PTPRK: variants seen among roughly 807,000 people sequenced by gnomAD.
The protein encoded by PTPRK is protein tyrosine phosphatase receptor type K.
Under a neutral mutation model 178.0 loss-of-function variants are expected in PTPRK, and 75 were observed. The ratio of observed to expected loss-of-function variants is 0.42; its 90% confidence interval spans 0.35 to 0.51. The LOEUF (loss-of-function observed/expected upper bound fraction) is 0.51. PTPRK is among the 20% of genes least tolerant of loss of function. The pLI, the probability that PTPRK is intolerant of heterozygous loss-of-function variation, is 0.02. For synonymous variants in PTPRK, 637 were observed against 620.6 expected (o/e 1.03, Z -0.39); for missense variants, 1,441 against 1,797.8 (o/e 0.80, Z 3.59).
At chr6:128,235,303 TAACC>T (rs1000476463) in intron 5 of PTPRK, 1 of 152,722 alleles carries the variant, frequency 6.5e-6, no homozygotes, top group African/African-American at 2.4e-5. Flanking sequence ...AATTTAAAAA[TAACC>T]AACATTTCTA....
At chr6:128,480,843 C>T (rs1226361061) in intron 1 of PTPRK, among the ~76,000 whole-genome samples, 2 of 152,162 alleles carry the variant, frequency 1.3e-5, no homozygotes, top group African/African-American at 2.4e-5. Context: ...ACTCTTCATA[C>T]ATCACAGGGA....
At chr6:128,309,487 G>A (rs1382270002) in intron 3 of PTPRK, among the ~76,000 whole-genome samples, 1 of 151,982 alleles carries the variant, frequency 6.6e-6, no homozygotes, top group Non-Finnish European at 1.5e-5. Context: ...TGCAACCAAC[G>A]TTCGGACCCT....
At chr6:128,290,927 T>G (rs1823276850) in intron 3 of PTPRK, among the ~76,000 whole-genome samples, 1 of 152,196 alleles carries the variant, frequency 6.6e-6, no homozygotes, top group African/African-American at 2.4e-5. Context: ...GCTGTTAATC[T>G]TCAGAACAGT....
chr6:128,186,814 C>A (rs1802841084), intron 6 of PTPRK, among the ~76,000 whole-genome samples: 1 of 152,048 alleles, frequency 6.6e-6, no homozygotes, highest in Non-Finnish European at 1.5e-5. Flanking sequence ...TAAAATGAAA[C>A]TGAATCGAGA....
chr6:128,174,256 T>C (rs1243050327), intron 7 of PTPRK, among the ~76,000 whole-genome samples: 4 of 151,976 alleles, frequency 2.6e-5, no homozygotes, highest in South Asian at 2.1e-4. Context: ...TCCATTGATG[T>C]GAAGGAAAAA....
chr6:128,075,750 T>C lies in PTPRK; in HGVS notation c.1883+3063A>G, dbSNP rs139873746. 6.9e-3 allele frequency among the ~76,000 whole-genome samples: 1,043 copies of C among 152,196 alleles called. 10 individuals are homozygous for C. Among genetic ancestry groups the C allele is most frequent in the African/African-American group, 0.024 (987 of 41,546 alleles). On this transcript the variant is annotated intron_variant, in intron 11 of 29. Transcript: ENST00000368226. ...CTAATAAAACTAAACACGAAAACTCTATATAACAAGATTTTCTAGTTGGTA... is the reference window on the plus strand; with the variant it reads ...CTAATAAAACTAAACACGAAAACTCCATATAACAAGATTTTCTAGTTGGTA...
rs146762748 is a variant in PTPRK, at chr6:128,519,946, A to G, written c.100+313T>C. Among the ~76,000 whole-genome samples the G allele has an allele frequency of 1.6e-4, 25 of 152,298 alleles. No individual in the cohort carries two copies. The East Asian group carries it at 4.5e-3, about 27-fold the overall frequency. On this transcript the variant is annotated intron_variant, in intron 1 of 29. Transcript: ENST00000368226. The surrounding 1 kb of genome is among the most constrained non-coding windows in gnomAD (Gnocchi z 4.3). ...ACAGAGTGCCGTCACGGGAGTCGTA[A>G]CTACTTTTTCTTTCTCTCTTCCCCA... is the stretch of plus-strand genomic sequence containing the variant.
At position 128,146,137 on chromosome 6, in the gene PTPRK, T is replaced by A. The variant is rs78489606; in HGVS notation, c.1162+38295A>T. 4.7e-4 allele frequency among the ~76,000 whole-genome samples: 72 copies of A among 152,224 alleles called. No individual in the cohort carries two copies. The East Asian group carries it at 0.013, about 27-fold the overall frequency. ...GGCCTTCCAGCAGATCCAGGGTTAG[T>A]GGTTCAATCCCTTTCTGGCAGTGGC... On this transcript the variant is annotated intron_variant, in intron 7 of 29. Transcript: ENST00000368226.
intron 10 of PTPRK, 26 bp downstream of exon 10, chr6:128,082,411 T>C: frequency 2.6e-6 from 4 of 1,557,126 alleles, no homozygotes; most frequent in Non-Finnish European, 3.5e-6. Flanking sequence ...TAATCAATCC[T>C]ATTTGTAATT....
chr6:128,138,097 C>T (rs968262008), intron 7 of PTPRK, among the ~76,000 whole-genome samples: 1 of 152,010 alleles, frequency 6.6e-6, no homozygotes, highest in African/African-American at 2.4e-5. Flanking sequence ...CCACATGACA[C>T]TTCCTTAAAA....
chr6:128,143,909 T>C (rs905673364), intron 7 of PTPRK, among the ~76,000 whole-genome samples: 2 of 152,200 alleles, frequency 1.3e-5, no homozygotes, highest in African/African-American at 4.8e-5. Flanking sequence ...CGTATAACTA[T>C]AATGACTAGT....
intron 13 of PTPRK, among the ~76,000 whole-genome samples, chr6:128,010,688 T>C (rs1050150264): frequency 1.1e-4 from 17 of 151,420 alleles, no homozygotes; most frequent in African/African-American, 4.1e-4. Flanking sequence ...GAGAAAGACA[T>C]AGCTCAAATA....
At chr6:128,424,445 T>G (rs17055854) in intron 1 of PTPRK, among the ~76,000 whole-genome samples, 26,270 of 152,054 alleles carry the variant, frequency 0.17, 4,428 homozygotes, top group African/African-American at 0.44. Context: ...TACACTATTC[T>G]CAGTCGTATA....
intron 2 of PTPRK, among the ~76,000 whole-genome samples, chr6:128,365,576 A>G (rs567674790): frequency 1.6e-4 from 24 of 152,108 alleles, no homozygotes; most frequent in Non-Finnish European, 2.5e-4. Flanking sequence ...CTAACATGCT[A>G]TAAGTTCCTC....
At chr6:128,023,168 C>T (rs1198504013) in intron 13 of PTPRK, among the ~76,000 whole-genome samples, 7 of 152,082 alleles carry the variant, frequency 4.6e-5, no homozygotes, top group African/African-American at 9.7e-5. Context: ...GAAACAGGAT[C>T]GATAAAGCTA....
intron 3 of PTPRK, among the ~76,000 whole-genome samples, chr6:128,249,873 A>T (rs1401167575): frequency 6.6e-6 from 1 of 152,180 alleles, no homozygotes; most frequent in Non-Finnish European, 1.5e-5. Flanking sequence ...CATTTCCCAC[A>T]TGATATGGTT....
chr6:128,520,269 C>G lies in PTPRK; in HGVS notation c.90G>C (p.Gln30His), dbSNP rs1183123606. Residue 30 changes from glutamine (Q) to histidine (H), a missense_variant, in exon 1 of 30, where the codon CAG (glutamine) becomes CAC (histidine). Coordinates refer to ENST00000368226, the MANE Select transcript of PTPRK (RefSeq NM_002844.4). ...PWPLLGSAQG[Q>H]FSAGGCTFDD... ...CCCCCGGCCACTCACCTGCGGAGAACTGGCCTTGGGCCGATCCCAGGAGAG... is the reference window on the plus strand; with the variant it reads ...CCCCCGGCCACTCACCTGCGGAGAAGTGGCCTTGGGCCGATCCCAGGAGAG... 4 of 1,599,494 alleles carry G rather than the reference C, an allele frequency of 2.5e-6. No individual in the cohort carries two copies. The South Asian group carries it at 4.5e-5, about 18-fold the overall frequency.
intron 2 of PTPRK, among the ~76,000 whole-genome samples, chr6:128,326,435 A>G (rs1405399598): frequency 2.0e-5 from 3 of 152,222 alleles, no homozygotes; most frequent in African/African-American, 7.2e-5. Flanking sequence ...ACTATTTAAA[A>G]CAGAGAAAAA....
chr6:128,125,616 T>C (rs1408351941), intron 7 of PTPRK, among the ~76,000 whole-genome samples: 1 of 134,950 alleles, frequency 7.4e-6, no homozygotes, highest in Non-Finnish European at 1.6e-5. Context: ...TTTTTTTTTT[T>C]TTTTTTTTTT....
Sources: allele counts gnomAD v4.1 joint callset (sites outside exome capture counted in the v4.1 genomes callset), GRCh38; gene constraint gnomAD v4.1.1; non-coding constraint Gnocchi (gnomAD v3.1); transcripts MANE v1.5; gene names NCBI Gene and HGNC (gene_info 2026-07-23, HGNC 2026-07-21).